The following FGD3 variants were observed in gnomAD, a reference collection of about 807,000 sequenced individuals.
FGD3 encodes the protein FYVE, RhoGEF and PH domain-containing protein 3.
In FGD3, 45 loss-of-function variants were observed where a neutral mutation model predicts 71.8. The ratio of observed to expected loss-of-function variants is 0.63; its 90% CI spans 0.49 to 0.80. The LOEUF (loss-of-function observed/expected upper bound fraction) is 0.80. Ranked by LOEUF, FGD3 falls within the 30% of genes least tolerant of loss-of-function variation. The probability of loss-of-function intolerance (pLI) is 0.00; values close to 1 mark genes in which losing one functional copy is unlikely to be tolerated. For missense variants in FGD3, 844 were observed against 951.5 expected, an observed-to-expected ratio of 0.89 and a Z score of 1.49; for synonymous variants, 378 against 392.8, an observed-to-expected ratio of 0.96 and a Z score of 0.44.
intron 15 of FGD3, among the ~76,000 whole-genome samples, chr9:93,031,228 AT>A (rs1464427187): frequency 6.6e-6 from 1 of 152,130 alleles, no homozygotes; most frequent in African/African-American, 2.4e-5. Flanking sequence ...GAATTGGGGG[AT>A]TTAACTCAAA....
chr9:93,009,771 C>T (rs868475104), intron 6 of FGD3, among the ~76,000 whole-genome samples: 11 of 152,154 alleles, frequency 7.2e-5, no homozygotes, highest in Admixed American at 1.3e-4. Context: ...GCGTTTATAT[C>T]GAGAGCGATC....
chr9:93,018,394 T>C (rs1271300626), intron 11 of FGD3, among the ~76,000 whole-genome samples, 179 bp downstream of exon 11: 4 of 152,202 alleles, frequency 2.6e-5, no homozygotes, highest in Admixed American at 1.3e-4. Flanking sequence ...ATCACTGAGA[T>C]GATTATTGCC....
Position 93,035,394 on chromosome 9 carries a change from C to T in FGD3, c.1983C>T (p.Asp661=), listed in dbSNP as rs759533606. ...PLPSCKLSVP[D]PEERLDSGHV... ...CCAGCTGCAAACTGAGTGTGCCGGA[C>T]CCTGAGGAGAGGCTGGACTCGGGGC... is the stretch of plus-strand genomic sequence containing the variant. The change falls in exon 18 of 18, where the codon GAC becomes GAT. Residue 661 remains aspartate, a synonymous_variant. Coordinates refer to ENST00000375482, the MANE Select transcript of FGD3 (RefSeq NM_001083536.2). 1.4e-5 allele frequency: 23 copies of T among 1,611,550 alleles called. No homozygotes were observed. The highest frequency in any genetic ancestry group is 2.0e-5 in the Non-Finnish European group (23 of 1,179,136).
intron 15 of FGD3, among the ~76,000 whole-genome samples, chr9:93,031,818 G>C (rs528371005): frequency 1.2e-4 from 18 of 152,308 alleles, no homozygotes; most frequent in South Asian, 2.1e-4. Flanking sequence ...AGATGCAGAA[G>C]TGGGTGTGGG....
chr9:93,004,209 C>G, intron 5 of FGD3, 72 bp downstream of exon 5: 1 of 1,575,822 alleles, frequency 6.3e-7, no homozygotes, highest in Non-Finnish European at 8.6e-7. Context: ...TGCCTGAGAG[C>G]GAGGCAAGTG....
At chr9:93,028,093 A>T (rs932253025) in intron 14 of FGD3, among the ~76,000 whole-genome samples, 2 of 151,914 alleles carry the variant, frequency 1.3e-5, no homozygotes, top group African/African-American at 4.8e-5. Context: ...TTCCTAAGGC[A>T]GTTTTGGACC....
At chr9:92,956,804 G>A (rs1206135467) in intron 1 of FGD3, among the ~76,000 whole-genome samples, 1 of 151,542 alleles carries the variant, frequency 6.6e-6, no homozygotes, top group African/African-American at 2.4e-5. Context: ...TTTTGTGTCT[G>A]GCTTTGAGAT....
rs1008975176 is a variant in FGD3, at chr9:93,015,970, T to C, written c.1275+141T>C. 1.5e-5 allele frequency: 11 copies of C among 710,482 alleles called. No homozygotes were observed. In the African/African-American group the frequency reaches 1.6e-4, roughly 10 times the overall value. 44.0% of individuals were successfully genotyped at this position (710,482 alleles called of 1,614,324 possible). A position where few individuals can be genotyped will look rare whatever the true frequency, so the allele number is the denominator to read the frequency against. ...CTGCTTTTCCAAGCCATAGACCCTA[T>C]CTGTGACCAAGGCATTGTCTCAGTC... On this transcript the variant is annotated intron_variant, in intron 10 of 17. Coordinates refer to ENST00000375482, the MANE Select transcript of FGD3 (RefSeq NM_001083536.2).
chr9:93,030,110 A>T, intron 15 of FGD3, 114 bp downstream of exon 15: 8 of 1,274,930 alleles, frequency 6.3e-6, no homozygotes, highest in Non-Finnish European at 7.5e-6. Flanking sequence ...CCTGCACGGA[A>T]GGGCTTCCTG....
At position 92,982,788 on chromosome 9, in the gene FGD3, A is replaced by G. The variant is rs978284148; in HGVS notation, c.453+6079A>G. Among the ~76,000 whole-genome samples the G allele has an allele frequency of 2.6e-5, 4 of 152,176 alleles. No individual in the cohort carries two copies. The South Asian group carries it at 6.2e-4, about 24-fold the overall frequency. On this transcript the variant is annotated intron_variant, in intron 3 of 17. Coordinates refer to ENST00000375482, the MANE Select transcript of FGD3 (RefSeq NM_001083536.2). ...ACCTGTTAGAGTCCTATAGCTGACT[A>G]TAAAAACCACCTTTTGGCCAGGGAC...
chr9:92,995,574 C>T (rs1860606055), intron 3 of FGD3, among the ~76,000 whole-genome samples: 1 of 152,114 alleles, frequency 6.6e-6, no homozygotes, highest in South Asian at 2.1e-4. Context: ...GGAATGCTTC[C>T]AGTTTTTGCT....
At chr9:93,020,711 G>T (rs1322967532) in intron 13 of FGD3, 5 of 344,190 alleles carry the variant, frequency 1.5e-5, no homozygotes, top group Non-Finnish European at 2.7e-5. Flanking sequence ...TGTGTGGTTG[G>T]AGAGGATTTA....
intron 15 of FGD3, among the ~76,000 whole-genome samples, chr9:93,032,085 C>T (rs1350041702): frequency 6.6e-6 from 1 of 152,242 alleles, no homozygotes; most frequent in African/African-American, 2.4e-5. Context: ...ACCATGACAA[C>T]TTCATCCATT....
At chr9:92,985,907 A>G (rs1325466107) in intron 3 of FGD3, among the ~76,000 whole-genome samples, 3 of 152,202 alleles carry the variant, frequency 2.0e-5, no homozygotes, top group Non-Finnish European at 4.4e-5. Context: ...GAAAAAAAGG[A>G]AAAAGGTAAA....
At position 93,004,001 on chromosome 9, in the gene FGD3, G is replaced by T. The variant is rs1262480729; in HGVS notation, c.544G>T (p.Val182Phe). The change falls in exon 5 of 18, where the codon GTT becomes TTT. Residue 182 changes from valine (V) to phenylalanine (F), a missense_variant and splice_region_variant. Physicochemically the swap from Val to Phe is conservative, Grantham distance 50. Coordinates refer to ENST00000375482, the MANE Select transcript of FGD3 (RefSeq NM_001083536.2). ...YVKRLHLLDQ[V>F]FCTRLTDAGI... Reference sequence around the variant, plus strand: ...CACACGTGGGCTTCTCTATGCTCAGGTTTTCTGCACCAGGCTGACGGATGC... The same window carrying T: ...CACACGTGGGCTTCTCTATGCTCAGTTTTTCTGCACCAGGCTGACGGATGC... 1 of 1,614,114 alleles carries T rather than the reference G, an allele frequency of 6.2e-7. No individual in the cohort carries two copies. The highest frequency in any genetic ancestry group is 8.5e-7 in the Non-Finnish European group (1 of 1,180,028).
At chr9:93,032,612 C>T (rs1221904490) in intron 15 of FGD3, 157 bp from the exon 16 acceptor site, 1 of 719,036 alleles carries the variant, frequency 1.4e-6, no homozygotes, top group Non-Finnish European at 2.4e-6. Context: ...AGACAGGGCT[C>T]CCCTCAAGGA....
chr9:93,011,147 G>C, intron 7 of FGD3, 67 bp from the exon 8 acceptor site: 7 of 1,511,164 alleles, frequency 4.6e-6, no homozygotes, highest in Non-Finnish European at 6.4e-6. Flanking sequence ...AGCTGCCCTG[G>C]AGCCCCTCAG....
intron 14 of FGD3, among the ~76,000 whole-genome samples, chr9:93,029,051 G>A (rs1395068351): frequency 2.8e-5 from 3 of 109,046 alleles, no homozygotes; most frequent in Non-Finnish European, 5.1e-5. Flanking sequence ...ACAGAATCTC[G>A]CTCTATAGCC....
chr9:93,028,787 G>C (rs1374882232), intron 14 of FGD3, among the ~76,000 whole-genome samples: 3 of 152,136 alleles, frequency 2.0e-5, no homozygotes, highest in South Asian at 4.1e-4. Context: ...TTGCAGGGCT[G>C]ACAGGAGGCA....
Sources: gnomAD v4.1 joint callset for allele counts (sites outside exome capture counted in the v4.1 genomes callset) on GRCh38, gnomAD v4.1.1 for gene constraint, MANE v1.5 for transcripts, NCBI Gene and HGNC (gene_info 2026-07-23, HGNC 2026-07-21) for gene names.